The following ACO2 variants were observed in gnomAD, a reference collection of about 807,000 sequenced individuals.
ACO2 encodes the protein aconitase 2, also known as aconitate hydratase, mitochondrial.
In ACO2, 31 loss-of-function variants were observed where a neutral mutation model predicts 84.5. The observed-to-expected ratio is 0.37, with a 90% confidence interval of 0.28 to 0.50. The LOEUF (loss-of-function observed/expected upper bound fraction) is 0.50. Among genes scored for constraint, ACO2 ranks in the 20% least tolerant of loss-of-function variants. The pLI, the probability that ACO2 is intolerant of heterozygous loss-of-function variation, is 0.97. For synonymous variants in ACO2, 414 were observed against 412.7 expected, an observed-to-expected ratio of 1.00 and a Z score of -0.04; for missense variants, 685 against 1,029.3, an observed-to-expected ratio of 0.67 and a Z score of 4.58.
intron 7 of ACO2, among the ~76,000 whole-genome samples, chr22:41,518,164 C>T (rs995179737): frequency 1.3e-5 from 2 of 152,222 alleles, no homozygotes; most frequent in Non-Finnish European, 2.9e-5. Context: ...GCCGTAAGCA[C>T]GTGGAATCCT....
At chr22:41,525,912 C>A (rs947184903) in intron 14 of ACO2, 1 of 242,920 alleles carries the variant, frequency 4.1e-6, no homozygotes, top group African/African-American at 2.2e-5. Context: ...TCAGCCAGGA[C>A]CCAGGCATGT....
chr22:41,525,157 A>G, intron 13 of ACO2, 36 bp from the exon 14 acceptor site: 1 of 1,609,386 alleles, frequency 6.2e-7, no homozygotes, highest in Non-Finnish European at 8.5e-7. Context: ...GGAACTGAGG[A>G]CTCAGCACCC....
chr22:41,476,046 C>T (rs1251319495), intron 1 of ACO2, among the ~76,000 whole-genome samples: 1 of 152,072 alleles, frequency 6.6e-6, no homozygotes, highest in Non-Finnish European at 1.5e-5. Context: ...TAATAACTAC[C>T]CTTCAGTTAA....
chr22:41,487,944 C>T (rs1361240129), intron 1 of ACO2, among the ~76,000 whole-genome samples: 2 of 152,158 alleles, frequency 1.3e-5, no homozygotes, highest in Non-Finnish European at 2.9e-5. Flanking sequence ...GCCAACTTTT[C>T]AGCAAATCCT....
intron 2 of ACO2, among the ~76,000 whole-genome samples, chr22:41,503,344 T>C (rs1016021062): frequency 6.6e-6 from 1 of 152,132 alleles, no homozygotes; most frequent in African/African-American, 2.4e-5. Context: ...TCTTTTTTTT[T>C]GAAACGGAGT....
At chr22:41,516,394 C>G (rs1352194227) in intron 6 of ACO2, among the ~76,000 whole-genome samples, 2 of 152,234 alleles carry the variant, frequency 1.3e-5, no homozygotes, top group Admixed American at 1.3e-4. Context: ...CCTCCAAGAC[C>G]AGGTAGGAGC....
In ACO2 at chr22:41,526,257, C is replaced by T. The variant is rs1296872798; in HGVS notation, c.1762-5C>T. 5.0e-6 allele frequency: 8 copies of T among 1,610,794 alleles called. No individual in the cohort carries two copies. The highest frequency in any genetic ancestry group is 4.4e-5 in the South Asian group (4 of 90,840). On this transcript the variant is annotated splice_polypyrimidine_tract_variant and splice_region_variant and intron_variant, in intron 14 of 17. Coordinates refer to ENST00000216254, the MANE Select transcript of ACO2 (RefSeq NM_001098.3). Reference sequence around the variant, plus strand: ...GACCTCTGTCCTCTCTACTTACCACCCAAGGTCAAAGGGAAGTGTACCACT... The same window carrying T: ...GACCTCTGTCCTCTCTACTTACCACTCAAGGTCAAAGGGAAGTGTACCACT...
chr22:41,523,346 G>A (rs2066542951), intron 11 of ACO2, 68 bp downstream of exon 11: 2 of 1,257,468 alleles, frequency 1.6e-6, no homozygotes, highest in South Asian at 1.4e-5. Flanking sequence ...AAGTTGGAGG[G>A]GGAATTATTG....
chr22:41,487,227 G>A (rs1434895615), intron 1 of ACO2, among the ~76,000 whole-genome samples: 1 of 152,132 alleles, frequency 6.6e-6, no homozygotes, highest in Non-Finnish European at 1.5e-5. Flanking sequence ...TGCACATGCT[G>A]TTCTCTCTGT....
In ACO2 at chr22:41,518,509, G is replaced by T; in HGVS notation, c.969G>T (p.Lys323Asn). Residue 323 changes from lysine to asparagine, a missense_variant, in exon 8 of 18, where the codon AAG becomes AAT. Transcript: ENST00000216254. ...EDIANLADEF[K>N]DHLVPDPGCH... ...TTGCCAATCTAGCTGATGAATTCAAGGATCACTTGGTGCCTGACCCTGGCT... is the reference window on the plus strand; with the variant it reads ...TTGCCAATCTAGCTGATGAATTCAATGATCACTTGGTGCCTGACCCTGGCT... 1.2e-6 allele frequency: 2 copies of T among 1,613,834 alleles called. No individual in the cohort carries two copies. The highest frequency in any genetic ancestry group is 1.7e-6 in the Non-Finnish European group (2 of 1,179,824).
chr22:41,525,472 G>T (rs775670618), intron 14 of ACO2, 124 bp downstream of exon 14: 1 of 1,275,240 alleles, frequency 7.8e-7, no homozygotes. Context: ...GAGATGGAAG[G>T]GAGGTTTGGC....
chr22:41,527,573 G>A (rs2066628024), intron 16 of ACO2, 153 bp downstream of exon 16: 1 of 1,094,800 alleles, frequency 9.1e-7, no homozygotes, highest in Non-Finnish European at 1.3e-6. Context: ...GGCTCACACA[G>A]TGCACATCCG....
intron 11 of ACO2, 79 bp from the exon 12 acceptor site, chr22:41,523,751 G>A: frequency 7.6e-7 from 1 of 1,323,006 alleles, no homozygotes. Context: ...TGCGCCACAG[G>A]AACCCAGCTT....
intron 1 of ACO2, among the ~76,000 whole-genome samples, chr22:41,471,960 G>A (rs1463071915): frequency 1.3e-5 from 2 of 152,160 alleles, no homozygotes; most frequent in African/African-American, 2.4e-5. Context: ...CTGTTTCCTT[G>A]CCTTTAGATA....
intron 1 of ACO2, among the ~76,000 whole-genome samples, chr22:41,482,318 C>T (rs1406891599): frequency 1.3e-5 from 2 of 152,248 alleles, no homozygotes; most frequent in Admixed American, 6.5e-5. Flanking sequence ...GAGACACTGT[C>T]GGTAGCACAG....
At chr22:41,486,437 G>T (rs1428537924) in intron 1 of ACO2, among the ~76,000 whole-genome samples, 4 of 151,306 alleles carry the variant, frequency 2.6e-5, no homozygotes, top group Admixed American at 6.6e-5. Flanking sequence ...GGGACTACAG[G>T]TGTGTGCCAC....
At chr22:41,500,325 T>C (rs900902378) in intron 2 of ACO2, among the ~76,000 whole-genome samples, 18 of 147,792 alleles carry the variant, frequency 1.2e-4, no homozygotes, top group African/African-American at 4.4e-4. Flanking sequence ...TATTTTATTT[T>C]ATTTATATAT....
At chr22:41,494,649 G>T (rs1601895653) in intron 1 of ACO2, among the ~76,000 whole-genome samples, 1 of 152,018 alleles carries the variant, frequency 6.6e-6, no homozygotes, top group Admixed American at 6.6e-5. Flanking sequence ...GACCTCAAGT[G>T]ATCCGCCTAC....
chr22:41,508,249 T>G (rs1237845609), intron 3 of ACO2, among the ~76,000 whole-genome samples, 200 bp downstream of exon 3: 1 of 152,220 alleles, frequency 6.6e-6, no homozygotes, highest in African/African-American at 2.4e-5. Context: ...AGAGGAAGCC[T>G]AAAGAAAGAA....
Sources: allele counts gnomAD v4.1 joint callset (sites outside exome capture counted in the v4.1 genomes callset), GRCh38; gene constraint gnomAD v4.1.1; transcripts MANE v1.5; gene names NCBI Gene and HGNC (gene_info 2026-07-23, HGNC 2026-07-21).